The following CDH10 variants were observed in gnomAD, a reference collection of about 807,000 sequenced individuals.
CDH10 encodes the protein cadherin 10, also known as cadherin-10.
CDH10 carries 30 observed loss-of-function variants against 73.1 expected under a neutral mutation model. The observed-to-expected ratio is 0.41, with a 90% confidence interval of 0.31 to 0.56. The LOEUF is 0.56. CDH10 is among the 20% of genes least tolerant of loss of function. CDH10 has a pLI of 0.27. For missense variants in CDH10, 815 were observed against 973.7 expected, an observed-to-expected ratio of 0.84 and a Z score of 2.17; for synonymous variants, 345 against 348.2, an observed-to-expected ratio of 0.99 and a Z score of 0.10.
chr5:24,609,694 G>A (rs1298482933), intron 1 of CDH10: 1 of 133,960 alleles, frequency 7.5e-6, no homozygotes, highest in East Asian at 2.2e-4. Context: ...AGGAGATTGT[G>A]TGTCCACCAG....
intron 1 of CDH10, among the ~76,000 whole-genome samples, chr5:24,606,492 T>A (rs1029635419): frequency 6.6e-6 from 1 of 151,984 alleles, no homozygotes; most frequent in Non-Finnish European, 1.5e-5. Flanking sequence ...GTCCCTGTAA[T>A]CCCAGCTACT....
intron 7 of CDH10, among the ~76,000 whole-genome samples, chr5:24,508,519 C>T (rs1263426482): frequency 6.6e-6 from 1 of 152,136 alleles, no homozygotes; most frequent in Admixed American, 6.5e-5. Flanking sequence ...TGCAGCATTG[C>T]AATTACTTTT....
intron 2 of CDH10, among the ~76,000 whole-genome samples, chr5:24,575,355 C>CA (rs751333761): frequency 0.23 from 28,729 of 122,518 alleles, 3,379 homozygotes; most frequent in Admixed American, 0.28. Context: ...ACAAAAACAA[C>CA]AAAAAAAAAA....
chr5:24,628,533 T>C (rs1747585880), intron 1 of CDH10, among the ~76,000 whole-genome samples: 1 of 152,138 alleles, frequency 6.6e-6, no homozygotes, highest in South Asian at 2.1e-4. Flanking sequence ...TTTGAAAGTA[T>C]TTGGGTGTAT....
intron 1 of CDH10, among the ~76,000 whole-genome samples, chr5:24,633,186 G>A (rs1283546868): frequency 6.6e-6 from 1 of 151,280 alleles, no homozygotes; most frequent in African/African-American, 2.4e-5. Context: ...CTAGGTCAAT[G>A]CTTATTTTCA....
chr5:24,527,221 A>G (rs1743564002), intron 5 of CDH10, among the ~76,000 whole-genome samples: 1 of 148,390 alleles, frequency 6.7e-6, no homozygotes, highest in South Asian at 2.1e-4. Flanking sequence ...GAATATAAGT[A>G]TATATAGTCA....
chr5:24,503,937 A>C (rs535408005), intron 8 of CDH10, among the ~76,000 whole-genome samples: 5 of 152,302 alleles, frequency 3.3e-5, no homozygotes, highest in Admixed American at 3.3e-4. Context: ...AAATGGTATC[A>C]TATGCAACCA....
intron 5 of CDH10, among the ~76,000 whole-genome samples, chr5:24,531,764 C>A (rs997368884): frequency 3.3e-5 from 5 of 152,170 alleles, no homozygotes; most frequent in African/African-American, 9.6e-5. Context: ...GGGGTGGGAA[C>A]ACAGCCAAAC....
intron 2 of CDH10, among the ~76,000 whole-genome samples, chr5:24,568,683 A>G (rs6869853): frequency 0.37 from 55,887 of 151,978 alleles, 12,599 homozygotes; most frequent in East Asian, 0.54. Flanking sequence ...ATTTGAGCAG[A>G]TATTTGTATA....
At chr5:24,513,369 C>A (rs765073789) in intron 5 of CDH10, among the ~76,000 whole-genome samples, 3 of 152,036 alleles carry the variant, frequency 2.0e-5, no homozygotes, top group Non-Finnish European at 2.9e-5. Context: ...TTCCCCTTAT[C>A]CTCATGTTAT....
intron 2 of CDH10, among the ~76,000 whole-genome samples, chr5:24,567,010 A>G (rs1396120807): frequency 6.6e-6 from 1 of 152,114 alleles, no homozygotes; most frequent in East Asian, 1.9e-4. Context: ...ACTGCCCAAT[A>G]AAATATTTGG....
At chr5:24,558,118 G>A (rs1019218182) in intron 2 of CDH10, among the ~76,000 whole-genome samples, 1 of 151,720 alleles carries the variant, frequency 6.6e-6, no homozygotes, top group Non-Finnish European at 1.5e-5. Flanking sequence ...ATAAGTACAA[G>A]GTTAACCACA....
intron 5 of CDH10, among the ~76,000 whole-genome samples, chr5:24,517,433 A>T (rs6890890): frequency 6.6e-6 from 1 of 151,892 alleles, no homozygotes; most frequent in Non-Finnish European, 1.5e-5. Flanking sequence ...CTTCTTGAGA[A>T]CAAAATTAAG....
At chr5:24,561,464 CTTAAT>C (rs1744957779) in intron 2 of CDH10, among the ~76,000 whole-genome samples, 1 of 152,052 alleles carries the variant, frequency 6.6e-6, no homozygotes, top group African/African-American at 2.4e-5. Flanking sequence ...TTACTCTGAA[CTTAAT>C]TTAAGGGTAA....
At chr5:24,562,848 T>G (rs1745009694) in intron 2 of CDH10, among the ~76,000 whole-genome samples, 1 of 152,118 alleles carries the variant, frequency 6.6e-6, no homozygotes, top group Admixed American at 6.5e-5. Flanking sequence ...ACTTACAAAC[T>G]TATAGAAAGG....
chr5:24,530,454 T>C lies in CDH10; in HGVS notation c.814+4658A>G, dbSNP rs73067138. On this transcript the variant is annotated intron_variant, in intron 5 of 11. Coordinates refer to ENST00000264463, the MANE Select transcript of CDH10 (RefSeq NM_006727.5). ...TTTTACATAATTTTATGATTTTCTA[T>C]TTTTTATGATTTTAGAGAAAGAAGG... Among the ~76,000 whole-genome samples the C allele has an allele frequency of 1.7e-3, 259 of 152,084 alleles. 2 individuals carry two copies. The highest frequency in any genetic ancestry group is 5.6e-3 in the African/African-American group (233 of 41,526).
chr5:24,511,055 T>G (rs1742884129), intron 6 of CDH10, among the ~76,000 whole-genome samples: 1 of 152,226 alleles, frequency 6.6e-6, no homozygotes, highest in Non-Finnish European at 1.5e-5. Flanking sequence ...GGGCTTTTAT[T>G]AATGTGGCTT....
intron 1 of CDH10, among the ~76,000 whole-genome samples, chr5:24,595,761 T>A (rs1746351081): frequency 6.6e-6 from 1 of 152,026 alleles, no homozygotes; most frequent in East Asian, 1.9e-4. Flanking sequence ...CTTTTTACAT[T>A]TTTAAAAATT....
rs749021068 is a variant in CDH10 at position 24,505,159 on chromosome 5, C to T, written c.1346G>A (p.Arg449His). Residue 449 changes from arginine (R) to histidine (H), a missense_variant, in exon 8 of 12, where the codon CGT becomes CAT. By Grantham distance (29) the Arg-to-His change is conservative (BLOSUM62 0). Transcript: ENST00000264463. Reference protein sequence around the residue: ...GSLYTSKPLDRELSQWHNLTV... With the variant: ...GSLYTSKPLDHELSQWHNLTV... Reference sequence around the variant, plus strand: ...AAGATTATGCCACTGAGATAGTTCACGGTCAAGAGGTTTTGATGTATAAAG... The same window carrying T: ...AAGATTATGCCACTGAGATAGTTCATGGTCAAGAGGTTTTGATGTATAAAG... 11 of 1,611,880 alleles carry T rather than the reference C, an allele frequency of 6.8e-6. No individual in the cohort carries two copies. The highest frequency in any genetic ancestry group is 3.3e-5 in the Admixed American group (2 of 59,988).
Sources: allele counts gnomAD v4.1 joint callset (sites outside exome capture counted in the v4.1 genomes callset), GRCh38; gene constraint gnomAD v4.1.1; transcripts MANE v1.5; gene names NCBI Gene and HGNC (gene_info 2026-07-23, HGNC 2026-07-21).